The following DCLK1 variants were observed in gnomAD, a reference collection of about 807,000 sequenced individuals.
The protein encoded by DCLK1 is doublecortin like kinase 1.
Under a neutral mutation model 86.2 loss-of-function variants are expected in DCLK1, and 16 were observed. The observed-to-expected ratio is 0.19, with a 90% confidence interval of 0.13 to 0.28. The LOEUF (loss-of-function observed/expected upper bound fraction) is 0.28, where lower values mean the gene tolerates loss of function less well. DCLK1 is among the 10% of genes least tolerant of loss of function. The pLI is 1.00. For missense variants in DCLK1, 590 were observed against 940.2 expected (o/e 0.63, Z 4.87); for synonymous variants, 369 against 370.5 (o/e 1.00, Z 0.05).
intron 4 of DCLK1, among the ~76,000 whole-genome samples, chr13:35,905,711 C>A (rs1593719416): frequency 1.3e-5 from 2 of 152,196 alleles, no homozygotes; most frequent in South Asian, 4.2e-4. Flanking sequence ...ATTGGGAGGC[C>A]AAGGCGGGTG....
intron 4 of DCLK1, among the ~76,000 whole-genome samples, chr13:35,912,615 C>A (rs532053675): frequency 1.2e-4 from 18 of 152,310 alleles, no homozygotes; most frequent in African/African-American, 4.3e-4. Context: ...GCTCCCCTCT[C>A]TGCTGAGAGC....
chr13:36,056,266 C>A (rs1883305290), intron 3 of DCLK1, among the ~76,000 whole-genome samples: 1 of 95,204 alleles, frequency 1.1e-5, no homozygotes, highest in African/African-American at 4.1e-5. Context: ...CACATATACA[C>A]CATGGAATAC....
intron 10 of DCLK1, among the ~76,000 whole-genome samples, chr13:35,825,071 A>G (rs2087487901): frequency 6.6e-6 from 1 of 152,200 alleles, no homozygotes; most frequent in Non-Finnish European, 1.5e-5. Flanking sequence ...GCAGAAGGCT[A>G]AAGTCCTGTG....
intron 3 of DCLK1, among the ~76,000 whole-genome samples, chr13:36,011,745 G>A (rs1363896239): frequency 7.9e-5 from 12 of 151,558 alleles, no homozygotes; most frequent in South Asian, 4.2e-4. Flanking sequence ...TATTAGGTCC[G>A]CTTGGTGCAG....
intron 3 of DCLK1, among the ~76,000 whole-genome samples, chr13:36,031,509 G>T (rs999470915): frequency 7.2e-5 from 11 of 152,236 alleles, no homozygotes; most frequent in African/African-American, 2.6e-4. Flanking sequence ...CATCAAATGC[G>T]ATTTTAAAAG....
chr13:35,956,706 T>A (rs1878003127), intron 3 of DCLK1, among the ~76,000 whole-genome samples: 1 of 2,814 alleles, frequency 3.6e-4, no homozygotes, highest in Non-Finnish European at 6.9e-4. Flanking sequence ...GAGCGAAGGC[T>A]GGGGAAAAAC....
intron 3 of DCLK1, among the ~76,000 whole-genome samples, chr13:36,026,802 C>T (rs1009892964): frequency 2.6e-5 from 4 of 152,110 alleles, no homozygotes; most frequent in African/African-American, 9.7e-5. Context: ...TCTTAGTCAA[C>T]AGCTTCTCAG....
intron 3 of DCLK1, among the ~76,000 whole-genome samples, chr13:36,002,400 G>A (rs2153146076): frequency 6.6e-6 from 1 of 152,272 alleles, no homozygotes; most frequent in Non-Finnish European, 1.5e-5. Context: ...AGCTTGAAAT[G>A]TACTCTAAAA....
In DCLK1 at chr13:35,964,155, CA is replaced by C. The variant is rs1878606181; in HGVS notation, c.724-16699del. 2.6e-5 allele frequency among the ~76,000 whole-genome samples: 4 copies of C among 152,062 alleles called. No individual in the cohort carries two copies. In the South Asian group the frequency reaches 8.3e-4, roughly 32 times the overall value. ...TTATAAGAAGATAAGTGGCAATAATCAAGAATTATTATGGCCCATTTTCTCT... is the reference window on the plus strand; with the variant it reads ...TTATAAGAAGATAAGTGGCAATAATCAGAATTATTATGGCCCATTTTCTCT... On this transcript the variant is annotated intron_variant, in intron 3 of 16. Coordinates refer to ENST00000360631, the MANE Select transcript of DCLK1 (RefSeq NM_001330071.2).
chr13:35,901,146 T>C (rs1874331033), intron 4 of DCLK1, among the ~76,000 whole-genome samples: 2 of 151,954 alleles, frequency 1.3e-5, no homozygotes, highest in South Asian at 4.2e-4. Flanking sequence ...ATGATTCAAA[T>C]AGGGAGATAA....
rs781231382 is a variant in DCLK1, at chr13:35,941,003, C to CATTT, written c.823+6351_823+6354dup. 1.8e-4 allele frequency among the ~76,000 whole-genome samples: 27 copies of CATTT among 152,150 alleles called. No individual in the cohort carries two copies. The East Asian group carries it at 4.9e-3, about 27-fold the overall frequency. ...GAATGTGCTTTGACATTTATTGTCTCATTTGAGGTCCGTTACAACACAGGA... is the reference window on the plus strand; with the variant it reads ...GAATGTGCTTTGACATTTATTGTCTCATTTATTTGAGGTCCGTTACAACACAGGA... On this transcript the variant is annotated intron_variant, in intron 4 of 16. Transcript: ENST00000360631.
chr13:35,936,768 G>T (rs1171089), intron 4 of DCLK1, among the ~76,000 whole-genome samples: 117,716 of 151,968 alleles, frequency 0.77, 45,873 homozygotes, highest in African/African-American at 0.84. Flanking sequence ...AGGGCACAAG[G>T]TGGCGTGGAA....
At chr13:36,057,224 T>C (rs1297686929) in intron 3 of DCLK1, among the ~76,000 whole-genome samples, 1 of 152,132 alleles carries the variant, frequency 6.6e-6, no homozygotes, top group Non-Finnish European at 1.5e-5. Context: ...TCCTGTCTTT[T>C]AGTAACAAAT....
At position 35,770,765 on chromosome 13, in the gene DCLK1, T is replaced by A. The variant is rs1465916092; in HGVS notation, c.*3770A>T. On this transcript the variant is annotated 3_prime_UTR_variant, in exon 17 of 17. Transcript: ENST00000360631. ...ACTACATTAAAACTACCATCTTGGA[T>A]CTTGGTGCTTTCCAAAATTCTGAAA... 1.3e-5 allele frequency: 2 copies of A among 152,226 alleles called. No individual in the cohort carries two copies. The highest frequency in any genetic ancestry group is 2.9e-5 in the Non-Finnish European group (2 of 68,036). 9.4% of individuals were successfully genotyped at this position (152,226 alleles called of 1,614,324 possible). A position where few individuals can be genotyped will look rare whatever the true frequency, so the allele number is the denominator to read the frequency against.
intron 3 of DCLK1, among the ~76,000 whole-genome samples, chr13:36,048,409 A>T (rs1883004161): frequency 6.6e-6 from 1 of 152,200 alleles, no homozygotes; most frequent in South Asian, 2.1e-4. Context: ...CTTTACACAA[A>T]GTAATACTGT....
intron 3 of DCLK1, among the ~76,000 whole-genome samples, chr13:35,961,593 T>A (rs527695482): frequency 6.6e-6 from 1 of 152,320 alleles, no homozygotes; most frequent in South Asian, 2.1e-4. Context: ...AACTTTCCCC[T>A]TGCATCCCCT....
At chr13:35,854,053 A>T (rs1009849672) in intron 6 of DCLK1, among the ~76,000 whole-genome samples, 1 of 152,188 alleles carries the variant, frequency 6.6e-6, no homozygotes, top group Non-Finnish European at 1.5e-5. Context: ...AGCACGTGTC[A>T]TAGGTTCCCA....
chr13:35,785,213 G>T (rs1256630705), intron 16 of DCLK1, among the ~76,000 whole-genome samples: 2 of 152,158 alleles, frequency 1.3e-5, no homozygotes, highest in Non-Finnish European at 2.9e-5. Context: ...GAAGGTGCAG[G>T]ATTCTTCTCC....
At chr13:35,812,210 A>G (rs1046067181) in intron 11 of DCLK1, among the ~76,000 whole-genome samples, 3 of 152,230 alleles carry the variant, frequency 2.0e-5, no homozygotes, top group Non-Finnish European at 4.4e-5. Context: ...TTTTATTTCA[A>G]AGAAAAGATG....
Sources: allele counts gnomAD v4.1 joint callset (sites outside exome capture counted in the v4.1 genomes callset), GRCh38; gene constraint gnomAD v4.1.1; transcripts MANE v1.5; gene names NCBI Gene and HGNC (gene_info 2026-07-23, HGNC 2026-07-21).